CIZ1: variants seen among roughly 807,000 people sequenced by gnomAD.
The protein encoded by CIZ1 is CDKN1A interacting zinc finger protein 1.
CIZ1 carries 58 observed loss-of-function variants against 118.6 expected under a neutral mutation model. The ratio of observed to expected loss-of-function variants is 0.49; its 90% CI spans 0.40 to 0.61. The LOEUF is 0.61. Among genes scored for constraint, CIZ1 ranks in the 20% least tolerant of loss-of-function variants. The probability of loss-of-function intolerance (pLI) is 0.00; values close to 1 mark genes in which losing one functional copy is unlikely to be tolerated. For synonymous variants in CIZ1, 448 were observed against 443.4 expected, an observed-to-expected ratio of 1.01 and a Z score of -0.13; for missense variants, 921 against 1,115.9, an observed-to-expected ratio of 0.83 and a Z score of 2.49.
chr9:128,174,100 G>C (rs940945608), intron 11 of CIZ1, among the ~76,000 whole-genome samples: 3 of 152,170 alleles, frequency 2.0e-5, no homozygotes, highest in Non-Finnish European at 2.9e-5. Flanking sequence ...GCTTTGAGGA[G>C]GGAGGAGACG....
At chr9:128,191,801 G>C, upstream of CIZ1, 4 of 1,448,272 alleles carry the variant, frequency 2.8e-6, no homozygotes, top group South Asian at 2.7e-5. This position sits in a 1 kb window ranked among gnomAD's most constrained non-coding sequence, Gnocchi z 5.5. Context: ...CGCCCGGAAG[G>C]GTCAGCCATC....
At chr9:128,197,208 AATG>A (rs1699363935) in intron 1 of CIZ1, 1 of 152,210 alleles carries the variant, frequency 6.6e-6, no homozygotes, top group South Asian at 2.1e-4. Context: ...TAAATTAGTG[AATG>A]ATGAATGAAT....
chr9:128,169,784 C>T, intron 12 of CIZ1: 1 of 1,369,596 alleles, frequency 7.3e-7, no homozygotes. Flanking sequence ...GCCCAAATAA[C>T]CCCTGTGAGC....
chr9:128,201,085 G>A (rs139813411), intron 1 of CIZ1, among the ~76,000 whole-genome samples: 3,560 of 151,820 alleles, frequency 0.023, 174 homozygotes, highest in African/African-American at 0.081. Flanking sequence ...TGGCTAACAC[G>A]GTGAAACCCT....
In CIZ1 at chr9:128,169,205, C is replaced by A. The variant is rs961213162; in HGVS notation, c.2146-4G>T. 4 of 1,614,004 alleles carry A rather than the reference C, an allele frequency of 2.5e-6. No homozygotes were observed. The African/African-American group carries it at 5.3e-5, about 22-fold the overall frequency. On this transcript the variant is annotated splice_region_variant and splice_polypyrimidine_tract_variant and intron_variant, in intron 13 of 16. Coordinates refer to ENST00000372938, the MANE Select transcript of CIZ1 (RefSeq NM_001131016.2). ...TTTCTTTCTCAAGCGACTTCAGCTG[C>A]CCAGGGAGTAGGCAAGGAGCTCAGG...
chr9:128,179,373 C>G lies in CIZ1; in HGVS notation c.834G>C (p.Gln278His), dbSNP rs1831272373. The G allele has an allele frequency of 6.2e-7, 1 of 1,612,734 alleles. No individual in the cohort carries two copies. Among genetic ancestry groups the G allele is most frequent in the Non-Finnish European group, 8.5e-7 (1 of 1,179,364 alleles). ...TCCGGGCCTGCGGCTGGGCCTTCAC[C>G]TGTAACTGCCCTGGAGGTTCCTTCT... ...PTEKEPPGQL[Q>H]VKAQPQARMT... The change falls in exon 8 of 17, where the codon CAG becomes CAC. Residue 278 changes from glutamine (Q) to histidine (H), a missense_variant. Coordinates refer to ENST00000372938, the MANE Select transcript of CIZ1 (RefSeq NM_001131016.2).
chr9:128,182,024 C>T (rs1334115738), intron 5 of CIZ1, among the ~76,000 whole-genome samples: 2 of 152,186 alleles, frequency 1.3e-5, no homozygotes, highest in Non-Finnish European at 2.9e-5. Flanking sequence ...GAAATAATGG[C>T]GTAAGCTGTC....
chr9:128,190,885 G>T, intron 1 of CIZ1, 23 bp from the exon 2 acceptor site: 1 of 1,521,188 alleles, frequency 6.6e-7, no homozygotes, highest in Admixed American at 1.9e-5. Flanking sequence ...AGCAGAGTGA[G>T]GCAAGGGGTC....
intron 7 of CIZ1, 76 bp from the exon 8 acceptor site, chr9:128,179,491 G>T: frequency 7.3e-7 from 1 of 1,362,442 alleles, no homozygotes; most frequent in Non-Finnish European, 9.9e-7. Flanking sequence ...GCCAAAACTA[G>T]GCCGAGCGTG....
upstream of CIZ1, among the ~76,000 whole-genome samples, chr9:128,195,050 A>G (rs1176836898): frequency 6.6e-6 from 1 of 151,998 alleles, no homozygotes; most frequent in African/African-American, 2.4e-5. Context: ...TTGAACTCAT[A>G]GGTTCAAGTG....
chr9:128,199,784 C>CTTTTTTTTTT (rs34269035), intron 1 of CIZ1: 1 of 128,686 alleles, frequency 7.8e-6, no homozygotes, highest in East Asian at 2.3e-4. Flanking sequence ...TTCTTTCTTT[C>CTTTTTTTTTT]TTTTTTTTTT....
At chr9:128,173,966 A>C (rs1830523672) in intron 11 of CIZ1, among the ~76,000 whole-genome samples, 1 of 152,008 alleles carries the variant, frequency 6.6e-6, no homozygotes, top group Admixed American at 6.6e-5. Context: ...AGATCGCGCC[A>C]CTGCACTCCA....
chr9:128,185,055 G>T (rs1832177840), intron 5 of CIZ1, among the ~76,000 whole-genome samples: 1 of 151,998 alleles, frequency 6.6e-6, no homozygotes, highest in African/African-American at 2.4e-5. Flanking sequence ...GAGGCGGGCG[G>T]ATCACCTGAG....
In CIZ1 at chr9:128,173,924, T is replaced by G. The variant is rs113738473; in HGVS notation, c.1943+2427A>C. Among the ~76,000 whole-genome samples the G allele has an allele frequency of 4.1e-4, 62 of 151,838 alleles. No homozygotes were observed. The Middle Eastern group carries it at 0.01, about 25-fold the overall frequency. ...GGGAGGCGGAGGCAGGAGAATGGCG[T>G]GAACCCAGGAGGCGGAGCTTGCAGT... On this transcript the variant is annotated intron_variant, in intron 11 of 16. Transcript: ENST00000372938.
In CIZ1 at chr9:128,181,764, CG is replaced by C. The variant is rs74186833; in HGVS notation, c.589-951del. On this transcript the variant is annotated intron_variant, in intron 5 of 16. Coordinates refer to ENST00000372938, the MANE Select transcript of CIZ1 (RefSeq NM_001131016.2). Reference sequence around the variant, plus strand: ...CCGCTACTTAGCAGACCAGGAAAGGCGGGGGGGGGGGGGGGGTCTCCCTTTC... The same window carrying C: ...CCGCTACTTAGCAGACCAGGAAAGGCGGGGGGGGGGGGGGGTCTCCCTTTC... Among the ~76,000 whole-genome samples, 196 of 116,450 alleles carry C rather than the reference CG, an allele frequency of 1.7e-3. 2 individuals are homozygous for C. Among genetic ancestry groups the C allele is most frequent in the African/African-American group, 6.6e-3 (176 of 26,722 alleles). The allele number at this position is 116,450 out of a possible 152,430, so 76.4% of individuals were successfully genotyped here.
intron 11 of CIZ1, among the ~76,000 whole-genome samples, chr9:128,174,319 T>G: frequency 6.6e-6 from 1 of 152,194 alleles, no homozygotes; most frequent in East Asian, 1.9e-4. Context: ...GCATTTCCAC[T>G]AGAAACTGTT....
intron 7 of CIZ1, 93 bp downstream of exon 7, chr9:128,180,322 A>C: frequency 1.1e-6 from 1 of 898,354 alleles, no homozygotes; most frequent in South Asian, 1.4e-5. Flanking sequence ...GCTCCACTGA[A>C]TGGTGCACCC....
Position 128,176,382 on chromosome 9 carries a change from C to T in CIZ1, c.1912G>A (p.Val638Met), listed in dbSNP as rs11549266. ...SQACLLSLLPVPRDVLETEDE... is the reference protein window; with the variant it reads ...SQACLLSLLPMPRDVLETEDE... ...TCTGTCTCCAGGACGTCCCGGGGCACGGGCAGCAGGGACAGGAGGCAGGCT... is the reference window on the plus strand; with the variant it reads ...TCTGTCTCCAGGACGTCCCGGGGCATGGGCAGCAGGGACAGGAGGCAGGCT... Residue 638 changes from valine to methionine, a missense_variant, in exon 11 of 17, where the codon GTG becomes ATG. Physicochemically the swap from Val to Met is conservative, Grantham distance 21. Coordinates refer to ENST00000372938, the MANE Select transcript of CIZ1 (RefSeq NM_001131016.2). 192,688 of 1,613,794 alleles carry T rather than the reference C, an allele frequency of 0.12. 12,796 individuals carry two copies. The highest frequency in any genetic ancestry group is 0.14 in the Non-Finnish European group (162,278 of 1,179,758).
chr9:128,195,989 C>G (rs1037229243), upstream of CIZ1, among the ~76,000 whole-genome samples: 2 of 152,022 alleles, frequency 1.3e-5, no homozygotes, highest in African/African-American at 4.8e-5. Flanking sequence ...TCTCAGCCTC[C>G]CAAGTAGCTG....
Sources: gnomAD v4.1 joint callset for allele counts (sites outside exome capture counted in the v4.1 genomes callset) on GRCh38, gnomAD v4.1.1 for gene constraint, Gnocchi (gnomAD v3.1) non-coding constraint, MANE v1.5 for transcripts, NCBI Gene and HGNC (gene_info 2026-07-23, HGNC 2026-07-21) for gene names.